Variants in RANBP2 observed in about 807,000 individuals in gnomAD.
The protein encoded by RANBP2 is RAN binding protein 2.
RANBP2 carries 57 observed loss-of-function variants against 303.6 expected under a neutral mutation model. The ratio of observed to expected loss-of-function variants is 0.19; its 90% CI spans 0.15 to 0.23. RANBP2 has a LOEUF of 0.23. Among genes scored for constraint, RANBP2 ranks in the 10% least tolerant of loss-of-function variants. The pLI is 1.00. For synonymous variants in RANBP2, 1,167 were observed against 1,301.5 expected (o/e 0.90, Z 2.23); for missense variants, 3,138 against 3,780.8 (o/e 0.83, Z 4.46).
At chr2:109,022,639 C>T in the RANBP2 span, among the ~76,000 whole-genome samples, 1 of 152,210 alleles carries the variant, frequency 6.6e-6, no homozygotes, top group East Asian at 1.9e-4. Flanking sequence ...GAGAAATTAC[C>T]TAAAGGGTAT....
At chr2:109,479,107 T>C in the RANBP2 span, among the ~76,000 whole-genome samples, 2 of 152,146 alleles carry the variant, frequency 1.3e-5, no homozygotes, top group East Asian at 3.9e-4. Flanking sequence ...CAGCACACAC[T>C]TCTCAACGTG....
chr2:108,930,259 G>A, the RANBP2 span: 119 of 1,614,050 alleles, frequency 7.4e-5, no homozygotes, highest in East Asian at 1.2e-3. Context: ...ACAAAGGGGG[G>A]TGTTGTGGCC....
the RANBP2 span, chr2:109,615,569 G>C: frequency 1.9e-6 from 3 of 1,613,954 alleles, no homozygotes; most frequent in Non-Finnish European, 2.5e-6. Context: ...TGAAGCTGCT[G>C]GTGGGGGCCT....
At chr2:109,450,213 G>C in the RANBP2 span, among the ~76,000 whole-genome samples, 1 of 152,194 alleles carries the variant, frequency 6.6e-6, no homozygotes, top group African/African-American at 2.4e-5. Flanking sequence ...AGGCATGGTG[G>C]CGTGCGCCTG....
intron 1 of RANBP2, among the ~76,000 whole-genome samples, chr2:108,728,184 T>C (rs1694881180): frequency 6.6e-6 from 1 of 152,196 alleles, no homozygotes; most frequent in African/African-American, 2.4e-5. Flanking sequence ...CTGGTTTCTT[T>C]TGTTTGTTAA....
chr2:109,122,231 C>G, the RANBP2 span, among the ~76,000 whole-genome samples: 1 of 152,158 alleles, frequency 6.6e-6, no homozygotes, highest in African/African-American at 2.4e-5. Flanking sequence ...AGAAGCAGAT[C>G]TTAAGGGAAG....
the RANBP2 span, among the ~76,000 whole-genome samples, chr2:108,834,689 C>T: frequency 9.9e-5 from 15 of 152,138 alleles, no homozygotes; most frequent in Admixed American, 4.6e-4. Context: ...CAACCATCAT[C>T]GCTATCAATT....
chr2:108,918,857 A>G, the RANBP2 span, among the ~76,000 whole-genome samples: 1 of 152,196 alleles, frequency 6.6e-6, no homozygotes, highest in Non-Finnish European at 1.5e-5. Flanking sequence ...ATTTTTAGGA[A>G]TGATCTGTTT....
intron 3 of RANBP2, among the ~76,000 whole-genome samples, 171 bp downstream of exon 3, chr2:108,731,056 A>T (rs1695129498): frequency 6.6e-6 from 1 of 152,176 alleles, no homozygotes; most frequent in Admixed American, 6.5e-5. Flanking sequence ...TAACACCTAT[A>T]AATTGTAAGT....
chr2:109,543,060 G>C, the RANBP2 span: 1 of 152,582 alleles, frequency 6.6e-6, no homozygotes, highest in Non-Finnish European at 1.5e-5. Context: ...AAATGAAAAT[G>C]TATATATCTA....
At chr2:109,161,857 A>C in the RANBP2 span, among the ~76,000 whole-genome samples, 3 of 151,900 alleles carry the variant, frequency 2.0e-5, no homozygotes, top group Non-Finnish European at 4.4e-5. Flanking sequence ...AACATTGGGG[A>C]TCACATTTTA....
At chr2:108,734,730 G>T (rs1466628156) in intron 4 of RANBP2, among the ~76,000 whole-genome samples, 1 of 151,850 alleles carries the variant, frequency 6.6e-6, no homozygotes, top group Non-Finnish European at 1.5e-5. Flanking sequence ...AACAAGGGTG[G>T]TATGGTGGTT....
At chr2:109,492,160 C>T in the RANBP2 span, among the ~76,000 whole-genome samples, 4 of 152,332 alleles carry the variant, frequency 2.6e-5, no homozygotes, top group South Asian at 2.1e-4. Flanking sequence ...TAAACCCCTA[C>T]TTGTGGACAC....
intron 1 of RANBP2, among the ~76,000 whole-genome samples, chr2:108,725,742 G>A (rs1160117388): frequency 1.3e-5 from 2 of 151,074 alleles, no homozygotes; most frequent in Non-Finnish European, 2.9e-5. Context: ...AAAAAAAAAG[G>A]AAGGGGGGAA....
At chr2:109,451,077 C>T in the RANBP2 span, among the ~76,000 whole-genome samples, 3 of 152,220 alleles carry the variant, frequency 2.0e-5, no homozygotes, top group Non-Finnish European at 2.9e-5. Flanking sequence ...CACCAGGTTC[C>T]GCAGGGCCTC....
At chr2:109,046,185 T>C in the RANBP2 span, among the ~76,000 whole-genome samples, 1 of 150,780 alleles carries the variant, frequency 6.6e-6, no homozygotes, top group Admixed American at 6.6e-5. Context: ...GCGCCTGTAG[T>C]CCCAGCTACT....
chr2:109,671,881 A>G, the RANBP2 span, among the ~76,000 whole-genome samples: 1 of 150,872 alleles, frequency 6.6e-6, no homozygotes, highest in Non-Finnish European at 1.5e-5. Flanking sequence ...CTTATAGGCC[A>G]TTTGATTCCC....
chr2:109,680,428 G>T, the RANBP2 span, among the ~76,000 whole-genome samples: 5 of 151,752 alleles, frequency 3.3e-5, no homozygotes, highest in African/African-American at 9.7e-5. Flanking sequence ...TAAAATAAAA[G>T]AATTGTGTGT....
the RANBP2 span, among the ~76,000 whole-genome samples, chr2:109,688,610 C>G: frequency 6.6e-6 from 1 of 151,692 alleles, no homozygotes; most frequent in African/African-American, 2.4e-5. Context: ...GAAACCTTGT[C>G]TCTACTAAAA....
Sources: allele counts gnomAD v4.1 joint callset (sites outside exome capture counted in the v4.1 genomes callset), GRCh38; gene constraint gnomAD v4.1.1; transcripts MANE v1.5; gene names NCBI Gene and HGNC (gene_info 2026-07-23, HGNC 2026-07-21).